STXBP5L: variants seen among roughly 807,000 people sequenced by gnomAD.
STXBP5L encodes the protein syntaxin-binding protein 5-like.
Under a neutral mutation model 144.5 loss-of-function variants are expected in STXBP5L, and 65 were observed. The observed-to-expected ratio is 0.45, with a 90% CI of 0.37 to 0.55. The LOEUF is 0.55. Ranked by LOEUF, STXBP5L falls within the 20% of genes least tolerant of loss-of-function variation. STXBP5L has a pLI of 0.00. For synonymous variants in STXBP5L, 505 were observed against 469.6 expected (o/e 1.08, Z -0.97); for missense variants, 1,298 against 1,405.5 (o/e 0.92, Z 1.22).
intron 19 of STXBP5L, among the ~76,000 whole-genome samples, chr3:121,287,582 G>A (rs993684221): frequency 6.6e-6 from 1 of 151,954 alleles, no homozygotes; most frequent in Non-Finnish European, 1.5e-5. Context: ...TGTAATCCCA[G>A]CACTTTGGGA....
intron 7 of STXBP5L, among the ~76,000 whole-genome samples, chr3:121,144,211 A>G (rs992805114): frequency 2.0e-5 from 3 of 151,726 alleles, no homozygotes; most frequent in Non-Finnish European, 3.0e-5. Context: ...CATTTCTCCA[A>G]TGTCTATACT....
At chr3:121,006,652 T>C (rs1944335526) in intron 3 of STXBP5L, among the ~76,000 whole-genome samples, 1 of 152,202 alleles carries the variant, frequency 6.6e-6, no homozygotes, top group Admixed American at 6.5e-5. Context: ...GTATCAATGG[T>C]CTTTACAATT....
chr3:121,206,669 C>G (rs942601329), intron 10 of STXBP5L, among the ~76,000 whole-genome samples: 6 of 152,034 alleles, frequency 3.9e-5, no homozygotes, highest in African/African-American at 1.4e-4. Context: ...AAAAAATTAG[C>G]TGGGCATGGT....
chr3:121,294,002 T>G (rs1410685690), intron 19 of STXBP5L, among the ~76,000 whole-genome samples: 1 of 152,198 alleles, frequency 6.6e-6, no homozygotes, highest in East Asian at 1.9e-4. Flanking sequence ...GTTGTAGAGA[T>G]GAGTAAGGAC....
chr3:121,162,899 G>A (rs1233394183), intron 9 of STXBP5L, among the ~76,000 whole-genome samples: 5 of 152,064 alleles, frequency 3.3e-5, no homozygotes, highest in East Asian at 1.9e-4. Flanking sequence ...TTAGAATGGC[G>A]ATGATTAAAA....
intron 25 of STXBP5L, among the ~76,000 whole-genome samples, chr3:121,417,861 T>C (rs1326604587): frequency 6.6e-6 from 1 of 152,176 alleles, no homozygotes; most frequent in Non-Finnish European, 1.5e-5. Flanking sequence ...TATATTCATA[T>C]ACCCCATTTT....
Position 121,408,522 on chromosome 3 carries a change from C to G in STXBP5L, c.2948+919C>G, listed in dbSNP as rs573115097. ...CAGAGGAAATATGGGATTGAATTTTCTAGCCACAAACTAAGTTCCCAGAGT... is the reference window on the plus strand; with the variant it reads ...CAGAGGAAATATGGGATTGAATTTTGTAGCCACAAACTAAGTTCCCAGAGT... On this transcript the variant is annotated intron_variant, in intron 23 of 26. Transcript: ENST00000471454. Among the ~76,000 whole-genome samples, 3 of 152,010 alleles carry G rather than the reference C, an allele frequency of 2.0e-5. No homozygotes were observed. The South Asian group carries it at 6.2e-4, about 32-fold the overall frequency.
intron 7 of STXBP5L, among the ~76,000 whole-genome samples, chr3:121,131,690 A>G (rs1043758142): frequency 2.6e-5 from 4 of 152,236 alleles, no homozygotes; most frequent in Admixed American, 2.6e-4. Context: ...AGTGATAACT[A>G]AACCTAATAA....
At chr3:121,235,571 G>A (rs187887563) in intron 12 of STXBP5L, among the ~76,000 whole-genome samples, 2 of 152,052 alleles carry the variant, frequency 1.3e-5, no homozygotes, top group African/African-American at 4.8e-5. Flanking sequence ...ATTCTAAATT[G>A]TAGGCCTGGT....
At chr3:121,316,281 C>A (rs1228687515) in intron 19 of STXBP5L, among the ~76,000 whole-genome samples, 2 of 152,080 alleles carry the variant, frequency 1.3e-5, no homozygotes, top group Non-Finnish European at 2.9e-5. Flanking sequence ...CAGTTCCTAC[C>A]TTCATCAGGA....
chr3:121,209,279 A>G (rs1278900731), intron 10 of STXBP5L, among the ~76,000 whole-genome samples: 2 of 152,180 alleles, frequency 1.3e-5, no homozygotes, highest in African/African-American at 2.4e-5. Context: ...TCCTTTGGAT[A>G]CATAACCAGA....
Position 120,989,491 on chromosome 3 carries a change from CTGT to C in STXBP5L, c.287+34460_287+34462del, listed in dbSNP as rs148943411. Among the ~76,000 whole-genome samples, 173 of 151,882 alleles carry C rather than the reference CTGT, an allele frequency of 1.1e-3. 3 individuals are homozygous for C. In the East Asian group the frequency reaches 0.032, roughly 28 times the overall value. On this transcript the variant is annotated intron_variant, in intron 3 of 26. Transcript: ENST00000471454. ...CTCTTTAATGGGTTTGCTTTTTTTG[CTGT>C]TGTTGAGTTGTTTGAATTCCTTGTA...
intron 10 of STXBP5L, among the ~76,000 whole-genome samples, chr3:121,210,107 C>T (rs993182613): frequency 2.0e-5 from 3 of 151,994 alleles, no homozygotes; most frequent in Admixed American, 6.6e-5. Flanking sequence ...TGTTTCCTGA[C>T]TTTTTAATGA....
At chr3:121,168,090 C>T (rs907018815) in intron 9 of STXBP5L, among the ~76,000 whole-genome samples, 1 of 152,048 alleles carries the variant, frequency 6.6e-6, no homozygotes, top group Admixed American at 6.6e-5. Flanking sequence ...AGAAAAAGGC[C>T]CTGACTCTTA....
intron 19 of STXBP5L, among the ~76,000 whole-genome samples, chr3:121,289,118 A>C (rs924124349): frequency 6.6e-6 from 1 of 152,202 alleles, no homozygotes; most frequent in Non-Finnish European, 1.5e-5. Flanking sequence ...AGACTCCCCC[A>C]ACACATAAGG....
chr3:121,159,728 C>G (rs1340422846), intron 9 of STXBP5L, among the ~76,000 whole-genome samples: 3 of 148,842 alleles, frequency 2.0e-5, no homozygotes, highest in African/African-American at 2.5e-5. Flanking sequence ...CTCCCGGGTT[C>G]ACGCCATTCT....
chr3:121,362,317 G>A (rs374233939), intron 20 of STXBP5L, among the ~76,000 whole-genome samples: 37 of 152,124 alleles, frequency 2.4e-4, no homozygotes, highest in African/African-American at 8.9e-4. Context: ...CAAGGTCCTG[G>A]GGCTCTATGA....
At chr3:121,191,866 C>T (rs1038858278) in intron 9 of STXBP5L, among the ~76,000 whole-genome samples, 1 of 148,826 alleles carries the variant, frequency 6.7e-6, no homozygotes, top group Non-Finnish European at 1.5e-5. Context: ...AAACACAGCA[C>T]GTTCTCACTC....
At chr3:120,943,095 G>C (rs571166190) in intron 2 of STXBP5L, among the ~76,000 whole-genome samples, 4 of 151,558 alleles carry the variant, frequency 2.6e-5, no homozygotes, top group African/African-American at 9.6e-5. Flanking sequence ...CCATGAAAAA[G>C]AAAAAGTATG....
Sources: gnomAD v4.1 joint callset for allele counts (sites outside exome capture counted in the v4.1 genomes callset) on GRCh38, gnomAD v4.1.1 for gene constraint, MANE v1.5 for transcripts, NCBI Gene and HGNC (gene_info 2026-07-23, HGNC 2026-07-21) for gene names.